SMARCA2: variants seen among roughly 807,000 people sequenced by gnomAD.
SMARCA2 encodes the protein SWI/SNF related BAF chromatin remodeling complex subunit ATPase 2.
A neutral mutation model predicts 199.8 loss-of-function variants in SMARCA2; 61 were observed. The ratio of observed to expected loss-of-function variants is 0.31; its 90% CI spans 0.25 to 0.38. The LOEUF is 0.38. SMARCA2 is among the 10% of genes least tolerant of loss of function. The pLI is 1.00. For missense variants in SMARCA2, 1,344 were observed against 2,012.2 expected, an observed-to-expected ratio of 0.67 and a Z score of 6.35; for synonymous variants, 935 against 732.0, an observed-to-expected ratio of 1.28 and a Z score of -4.48.
At position 2,019,031 on chromosome 9, in the gene SMARCA2, C is replaced by CT. The variant is rs555512253; in HGVS notation, c.-37+3634dup. Among the ~76,000 whole-genome samples, 49 of 152,056 alleles carry CT rather than the reference C, an allele frequency of 3.2e-4. 2 individuals carry two copies. Among genetic ancestry groups the CT allele is most frequent in the African/African-American group, 1.1e-3 (46 of 41,476 alleles). ...TCTTTTATTCTCTTGGACTTTCTTT[C>CT]TTTTTTTCCTCAAATGCTTCTTTAC... On this transcript the variant is annotated intron_variant, in intron 1 of 33. Transcript: ENST00000349721.
In SMARCA2 at chr9:2,109,632, T is replaced by TG. The variant is rs35865205; in HGVS notation, c.3293-614dup. On this transcript the variant is annotated intron_variant, in intron 23 of 33. Transcript: ENST00000349721. Reference sequence around the variant, plus strand: ...GAGAAACAGACTAAGAGATTTCTTGTGGGGGGGGTGGGGATTATTGTGGCT... The same window carrying TG: ...GAGAAACAGACTAAGAGATTTCTTGTGGGGGGGGGTGGGGATTATTGTGGCT... Among the ~76,000 whole-genome samples the TG allele has an allele frequency of 8.1e-4, 122 of 151,480 alleles. 1 individual carries two copies. The highest frequency in any genetic ancestry group is 1.3e-3 in the Admixed American group (20 of 15,214).
intron 6 of SMARCA2, among the ~76,000 whole-genome samples, chr9:2,055,082 C>A (rs1820294087): frequency 6.6e-6 from 1 of 152,158 alleles, no homozygotes; most frequent in Admixed American, 6.5e-5. Flanking sequence ...TGGATTGGAG[C>A]TTCTTTGTAA....
rs1193432726 is a variant in SMARCA2 at position 2,123,660 on chromosome 9, G to A, written c.3763-59G>A. ...GACTTGGGGAAGTTGTGTAGTGCTGGGAAGTCTGCACCATACAGAAGCCCT... is the reference window on the plus strand; with the variant it reads ...GACTTGGGGAAGTTGTGTAGTGCTGAGAAGTCTGCACCATACAGAAGCCCT... On this transcript the variant is annotated intron_variant, in intron 26 of 33. Transcript: ENST00000349721. This position sits in a 1 kb window ranked among gnomAD's most constrained non-coding sequence, Gnocchi z 4.1. The A allele has an allele frequency of 1.5e-5, 21 of 1,441,066 alleles. No individual in the cohort carries two copies. Among genetic ancestry groups the A allele is most frequent in the Middle Eastern group, 1.7e-4 (1 of 5,780 alleles). 89.3% of individuals were successfully genotyped at this position (1,441,066 alleles called of 1,614,324 possible). A position where few individuals can be genotyped will look rare whatever the true frequency, so the allele number is the denominator to read the frequency against.
chr9:2,078,706 A>T (rs986329076), intron 14 of SMARCA2, among the ~76,000 whole-genome samples: 3 of 152,112 alleles, frequency 2.0e-5, no homozygotes, highest in Non-Finnish European at 4.4e-5. Flanking sequence ...GCACTTTGGG[A>T]GGCTGATGTG....
intron 27 of SMARCA2, among the ~76,000 whole-genome samples, chr9:2,146,910 T>C (rs548637532): frequency 1.8e-4 from 27 of 152,280 alleles, no homozygotes; most frequent in African/African-American, 6.3e-4. Flanking sequence ...ATCAGCAAGG[T>C]CTTTATGACC....
At position 2,041,651 on chromosome 9, in the gene SMARCA2, C is replaced by A. The variant is rs1290765415; in HGVS notation, c.790+1751C>A. 4 of 361,688 alleles carry A rather than the reference C, an allele frequency of 1.1e-5. No homozygotes were observed. The South Asian group carries it at 6.0e-4, about 54-fold the overall frequency. 22.4% of individuals were successfully genotyped at this position (361,688 alleles called of 1,614,324 possible). A position where few individuals can be genotyped will look rare whatever the true frequency, so the allele number is the denominator to read the frequency against. ...TTAAAAGGGCAAGAAAGTATCATTT[C>A]ATCTCCAGAATTTCTGTGTGGCTAC... On this transcript the variant is annotated intron_variant, in intron 4 of 33. Coordinates refer to ENST00000349721, the MANE Select transcript of SMARCA2 (RefSeq NM_003070.5).
At chr9:2,055,245 A>C (rs1156499030) in intron 6 of SMARCA2, among the ~76,000 whole-genome samples, 2 of 152,268 alleles carry the variant, frequency 1.3e-5, no homozygotes, top group African/African-American at 4.8e-5. Context: ...GGAGTGTTTG[A>C]TCACATCAGG....
At chr9:2,094,985 A>T (rs1586699190) in intron 19 of SMARCA2, among the ~76,000 whole-genome samples, 1 of 152,330 alleles carries the variant, frequency 6.6e-6, no homozygotes, top group Non-Finnish European at 1.5e-5. Context: ...AAAATCTCAC[A>T]GACGTACCTT....
chr9:2,191,427 G>C lies in SMARCA2; in HGVS notation c.4737+19G>C. The C allele has an allele frequency of 1.2e-6, 2 of 1,613,314 alleles. No homozygotes were observed. The highest frequency in any genetic ancestry group is 1.7e-6 in the Non-Finnish European group (2 of 1,179,436). On this transcript the variant is annotated intron_variant, in intron 33 of 33. Coordinates refer to ENST00000349721, the MANE Select transcript of SMARCA2 (RefSeq NM_003070.5). ...TGAACGTGTAAGTGTAGCCGACTGGGACTGAAGGCGGAGACGCCCTCTCCC... is the reference window on the plus strand; with the variant it reads ...TGAACGTGTAAGTGTAGCCGACTGGCACTGAAGGCGGAGACGCCCTCTCCC...
chr9:2,077,579 C>T lies in SMARCA2; in HGVS notation c.2037-50C>T, dbSNP rs79697945. The T allele has an allele frequency of 1.6e-3, 2,571 of 1,568,934 alleles. 38 individuals carry two copies. The African/African-American group carries it at 0.03, about 18-fold the overall frequency. Reference sequence around the variant, plus strand: ...TCATTTTTTGAGTGAAGTAAAACAACACATGCACGCACATGTCTGTGTGTG... The same window carrying T: ...TCATTTTTTGAGTGAAGTAAAACAATACATGCACGCACATGTCTGTGTGTG... On this transcript the variant is annotated intron_variant, in intron 13 of 33. Transcript: ENST00000349721.
intron 29 of SMARCA2, among the ~76,000 whole-genome samples, chr9:2,173,589 C>T (rs961248436): frequency 3.3e-5 from 5 of 152,142 alleles, no homozygotes; most frequent in African/African-American, 9.7e-5. Flanking sequence ...ATCAAGCTGA[C>T]AGTTTATCGT....
chr9:2,042,893 G>C (rs1261985951), intron 4 of SMARCA2: 2 of 152,120 alleles, frequency 1.3e-5, no homozygotes, highest in African/African-American at 2.4e-5. Context: ...GCCCATTTCT[G>C]TCACTGAGAG....
At position 2,060,903 on chromosome 9, in the gene SMARCA2, G is replaced by A; in HGVS notation, c.1609G>A (p.Val537Ile). The A allele has an allele frequency of 1.2e-6, 2 of 1,614,166 alleles. No individual in the cohort carries two copies. The highest frequency in any genetic ancestry group is 1.7e-6 in the Non-Finnish European group (2 of 1,180,002). ...CCTTTTGCAGCAGACCGATGAGTAT[G>A]TAGCCAATCTGACCAATCTGGTTTG... ...AYLLQQTDEY[V>I]ANLTNLVWEH... is the part of the protein sequence containing the mutation. Residue 537 changes from valine to isoleucine, a missense_variant, in exon 9 of 34, where the codon GTA becomes ATA. Val to Ile is a conservative substitution (Grantham distance 29, BLOSUM62 3). Transcript: ENST00000349721.
chr9:2,159,632 T>G, intron 27 of SMARCA2: 2 of 608,896 alleles, frequency 3.3e-6, no homozygotes, highest in African/African-American at 3.7e-5. Flanking sequence ...GAAAAAAATA[T>G]GATAAGTAGT....
At position 2,193,163 on chromosome 9, in the gene SMARCA2, A is replaced by C. The variant is rs1452072592; in HGVS notation, c.*424A>C. The C allele has an allele frequency of 6.2e-6, 1 of 160,674 alleles. No homozygotes were observed. 10.0% of individuals were successfully genotyped at this position (160,674 alleles called of 1,614,324 possible). ...CTGGTTATTTTATTTTTCATCAGGC[A>C]ATTTTCGAGGTTTTTATTTGTTCGG... On this transcript the variant is annotated 3_prime_UTR_variant, in exon 34 of 34. Coordinates refer to ENST00000349721, the MANE Select transcript of SMARCA2 (RefSeq NM_003070.5).
chr9:2,192,236 A>C (rs1343495983), intron 33 of SMARCA2: 3 of 169,140 alleles, frequency 1.8e-5, no homozygotes, highest in Non-Finnish European at 3.7e-5. Flanking sequence ...CTGGAAAGAT[A>C]AATTTCCCTT....
chr9:2,089,544 T>G (rs926069473), intron 19 of SMARCA2, among the ~76,000 whole-genome samples: 3 of 152,322 alleles, frequency 2.0e-5, no homozygotes, highest in East Asian at 3.9e-4. Context: ...GTTGATCACT[T>G]TGTTACGAGA....
intron 9 of SMARCA2, 66 bp from the exon 10 acceptor site, chr9:2,070,352 G>C (rs1821035524): frequency 3.8e-6 from 5 of 1,312,128 alleles, no homozygotes; most frequent in Admixed American, 1.7e-5. Context: ...ATACCGGAGA[G>C]TTACCAGGAA....
chr9:2,036,548 A>G (rs1819343836), intron 3 of SMARCA2, among the ~76,000 whole-genome samples: 2 of 152,136 alleles, frequency 1.3e-5, no homozygotes, highest in African/African-American at 2.4e-5. Context: ...GTTTTATGGG[A>G]TGCTATTCAT....
Sources: allele counts gnomAD v4.1 joint callset (sites outside exome capture counted in the v4.1 genomes callset), GRCh38; gene constraint gnomAD v4.1.1; non-coding constraint Gnocchi (gnomAD v3.1); transcripts MANE v1.5; gene names NCBI Gene and HGNC (gene_info 2026-07-23, HGNC 2026-07-21).